TRPM6: variants seen among roughly 807,000 people sequenced by gnomAD.
TRPM6 encodes the protein channel kinase 2.
Under a neutral mutation model 247.6 loss-of-function variants are expected in TRPM6, and 111 were observed. The ratio of observed to expected loss-of-function variants is 0.45; its 90% CI spans 0.38 to 0.52. The LOEUF is 0.52. TRPM6 is among the 20% of genes least tolerant of loss of function. The pLI is 0.00. For synonymous variants in TRPM6, 892 were observed against 853.8 expected (o/e 1.04, Z -0.78); for missense variants, 2,126 against 2,421.5 (o/e 0.88, Z 2.56).
At chr9:74,828,998 A>T (rs979072479) in intron 6 of TRPM6, among the ~76,000 whole-genome samples, 2 of 152,158 alleles carry the variant, frequency 1.3e-5, no homozygotes, top group Non-Finnish European at 2.9e-5. Context: ...TTTCAAACAA[A>T]ATAAAGAGTA....
intron 37 of TRPM6, among the ~76,000 whole-genome samples, chr9:74,729,117 A>G (rs1247722252): frequency 1.3e-5 from 2 of 152,236 alleles, no homozygotes; most frequent in Non-Finnish European, 2.9e-5. Context: ...GACACTGCAC[A>G]CCACAGAGCA....
At chr9:74,791,943 G>C (rs1827918105) in intron 19 of TRPM6, among the ~76,000 whole-genome samples, 1 of 152,100 alleles carries the variant, frequency 6.6e-6, no homozygotes, top group South Asian at 2.1e-4. Context: ...ATTTTTAGTA[G>C]AGACGGGGTT....
chr9:74,860,317 T>C (rs1830655955), intron 1 of TRPM6, among the ~76,000 whole-genome samples: 1 of 152,012 alleles, frequency 6.6e-6, no homozygotes, highest in South Asian at 2.1e-4. Flanking sequence ...AGTCATACAA[T>C]GTAATTATTT....
intron 8 of TRPM6, 74 bp from the exon 9 acceptor site, chr9:74,820,501 C>T: frequency 1.7e-5 from 27 of 1,569,386 alleles, no homozygotes; most frequent in Non-Finnish European, 2.4e-5. Context: ...CAAGAAAACA[C>T]CCCATCAGCT....
Position 74,785,988 on chromosome 9 carries a change from G to GTTTT in TRPM6, c.2804_2805insAAAA (p.His935GlnfsTer83). 3.7e-6 allele frequency: 6 copies of GTTTT among 1,614,258 alleles called. No individual in the cohort carries two copies. The highest frequency in any genetic ancestry group is 5.1e-6 in the Non-Finnish European group (6 of 1,180,052). On this transcript the variant is annotated frameshift_variant, in exon 21 of 39. Coordinates refer to ENST00000360774, the MANE Select transcript of TRPM6 (RefSeq NM_017662.5). LOFTEE classifies it high-confidence loss of function. ...TGCAGTAGATCAGTCTTCCCGCTGT[G>GTTTT]TGAAAAGGAGGGTCACCCCATCGAA...
In TRPM6 at chr9:74,784,276, AAAAG is replaced by A. The variant is rs1208399987; in HGVS notation, c.2920-1427_2920-1424del. On this transcript the variant is annotated intron_variant, in intron 21 of 38. Transcript: ENST00000360774. ...AGACTCCATCTCAGAAAAAAAAAAA[AAAAG>A]AAAGAAAAAGAAAAAAAGAAAAAGC... is the stretch of plus-strand genomic sequence containing the variant. 8.6e-5 allele frequency among the ~76,000 whole-genome samples: 13 copies of A among 151,804 alleles called. No individual in the cohort carries two copies. In the East Asian group the frequency reaches 1.2e-3, roughly 14 times the overall value.
chr9:74,881,477 C>T (rs1831362916), intron 1 of TRPM6, among the ~76,000 whole-genome samples: 1 of 152,096 alleles, frequency 6.6e-6, no homozygotes, highest in Non-Finnish European at 1.5e-5. Context: ...AACAAATAGA[C>T]TCCAATACAG....
chr9:74,733,501 T>C (rs1825594124), intron 36 of TRPM6, among the ~76,000 whole-genome samples: 1 of 152,192 alleles, frequency 6.6e-6, no homozygotes, highest in South Asian at 2.1e-4. Context: ...TATTCTAATT[T>C]TATTTTCTGT....
At chr9:74,886,960 T>C (rs770515764) in intron 1 of TRPM6, among the ~76,000 whole-genome samples, 3 of 152,194 alleles carry the variant, frequency 2.0e-5, no homozygotes, top group African/African-American at 7.2e-5. Context: ...TGAAATACAA[T>C]GTGCTCAATT....
In TRPM6 at chr9:74,805,994, TA is replaced by T. The variant is rs1445082500; in HGVS notation, c.1638+2039del. 2.0e-5 allele frequency among the ~76,000 whole-genome samples: 3 copies of T among 152,284 alleles called. No individual in the cohort carries two copies. In the East Asian group the frequency reaches 5.8e-4, roughly 29 times the overall value. Reference sequence around the variant, plus strand: ...TTAAGGAATTATTCATTGATTATATTAAGGAATTATTCATTTTTTATGTATG... The same window carrying T: ...TTAAGGAATTATTCATTGATTATATTAGGAATTATTCATTTTTTATGTATG... On this transcript the variant is annotated intron_variant, in intron 14 of 38. Transcript: ENST00000360774.
At chr9:74,736,861 C>G (rs926068069) in intron 36 of TRPM6, among the ~76,000 whole-genome samples, 8 of 152,228 alleles carry the variant, frequency 5.3e-5, no homozygotes, top group African/African-American at 9.6e-5. Context: ...CATAAAAATC[C>G]CCAAACATAA....
chr9:74,724,953 G>A (rs1825266948), intron 38 of TRPM6, among the ~76,000 whole-genome samples: 1 of 152,152 alleles, frequency 6.6e-6, no homozygotes, highest in Non-Finnish European at 1.5e-5. Flanking sequence ...ATGCTGTTTG[G>A]GTGCTGTTTA....
At chr9:74,755,208 G>A in intron 28 of TRPM6, 145 bp downstream of exon 28, 1 of 913,918 alleles carries the variant, frequency 1.1e-6, no homozygotes, top group Non-Finnish European at 1.7e-6. Flanking sequence ...ACAGAAAAAT[G>A]CTATTTTCCT....
chr9:74,816,930 T>C lies in TRPM6; in HGVS notation c.1169A>G (p.Gln390Arg), dbSNP rs1323323257. 2 of 1,614,064 alleles carry C rather than the reference T, an allele frequency of 1.2e-6. No individual in the cohort carries two copies. Among genetic ancestry groups the C allele is most frequent in the African/African-American group, 2.7e-5 (2 of 74,940 alleles). ...TIFDADSEEQ[Q>R]DLDLAILTAL... ...TGTTAGGATTGCTAAGTCCAGGTCT[T>C]GCTGCTCTTCAGAGTCAGCATCAAA... Residue 390 changes from glutamine (Q) to arginine (R), a missense_variant, in exon 10 of 39, where the codon CAA becomes CGA. Gln to Arg is a conservative substitution (Grantham distance 43). Around this residue, in one of 3 missense-constraint regions of TRPM6, gnomAD observed 1,082 missense variants for 1,307.9 expected, o/e 0.83. Transcript: ENST00000360774.
Position 74,840,142 on chromosome 9 carries a change from G to T in TRPM6, c.426C>A (p.Val142=). Residue 142 remains valine (V), a synonymous_variant, in exon 5 of 39, where the codon GTC becomes GTA. Coordinates refer to ENST00000360774, the MANE Select transcript of TRPM6 (RefSeq NM_017662.5). ...KMELPKLVIS[V]HGGIQNFTMP... is the part of the protein sequence containing the mutation. ...TAGTAAAGTTCTGGATGCCCCCATG[G>T]ACTGAGATCACAAGCTTGGGCAGTT... The T allele has an allele frequency of 6.2e-7, 1 of 1,613,818 alleles. No individual in the cohort carries two copies. The highest frequency in any genetic ancestry group is 1.3e-5 in the African/African-American group (1 of 75,000).
chr9:74,749,225 A>G (rs1197794230), intron 30 of TRPM6, among the ~76,000 whole-genome samples: 3 of 152,204 alleles, frequency 2.0e-5, no homozygotes, highest in Non-Finnish European at 4.4e-5. Context: ...TCCTGTCGTT[A>G]ATTGATGCAT....
chr9:74,841,780 C>T (rs779422940), intron 4 of TRPM6, among the ~76,000 whole-genome samples: 1 of 152,200 alleles, frequency 6.6e-6, no homozygotes, highest in Non-Finnish European at 1.5e-5. Context: ...TCTGGGGTTA[C>T]AGGTGTGAGC....
At chr9:74,812,973 T>C (rs1238337837) in intron 11 of TRPM6, among the ~76,000 whole-genome samples, 4 of 152,146 alleles carry the variant, frequency 2.6e-5, no homozygotes, top group Non-Finnish European at 5.9e-5. Flanking sequence ...TCAAAGAACA[T>C]CCCATGTACT....
At chr9:74,764,735 A>G (rs1256569628) in intron 25 of TRPM6, among the ~76,000 whole-genome samples, 3 of 152,248 alleles carry the variant, frequency 2.0e-5, no homozygotes, top group Non-Finnish European at 2.9e-5. Flanking sequence ...ACTTGTACGC[A>G]AAAATAGAAT....
Sources: allele counts gnomAD v4.1 joint callset (sites outside exome capture counted in the v4.1 genomes callset), GRCh38; gene constraint gnomAD v4.1.1; regional missense constraint gnomAD v4.1.1; transcripts MANE v1.5; gene names NCBI Gene and HGNC (gene_info 2026-07-23, HGNC 2026-07-21).